The following SORL1 variants were observed in gnomAD, a reference collection of about 807,000 sequenced individuals.
The protein encoded by SORL1 is sortilin related receptor 1, also known as sortilin-related receptor.
SORL1 carries 127 observed loss-of-function variants against 273.7 expected under a neutral mutation model. That is an observed-to-expected ratio of 0.46 (90% CI 0.40 to 0.54). SORL1 has a LOEUF of 0.54. Ranked by LOEUF, SORL1 falls within the 20% of genes least tolerant of loss-of-function variation. The pLI is 0.00. For missense variants in SORL1, 2,494 were observed against 2,846.1 expected (o/e 0.88, Z 2.81); for synonymous variants, 1,031 against 1,067.4 (o/e 0.97, Z 0.66).
chr11:121,603,016 G>A (rs1287931549), intron 32 of SORL1, among the ~76,000 whole-genome samples: 1 of 152,142 alleles, frequency 6.6e-6, no homozygotes, highest in Non-Finnish European at 1.5e-5. Context: ...CCTGTCTTCT[G>A]TATTCTCTCT....
At chr11:121,551,982 A>T (rs996084631) in intron 16 of SORL1, among the ~76,000 whole-genome samples, 3 of 152,192 alleles carry the variant, frequency 2.0e-5, no homozygotes, top group Non-Finnish European at 4.4e-5. Context: ...TTTGTAATAA[A>T]TATTTCTGAA....
intron 5 of SORL1, among the ~76,000 whole-genome samples, chr11:121,496,612 C>T (rs1861632833): frequency 1.3e-5 from 2 of 152,162 alleles, no homozygotes; most frequent in African/African-American, 4.8e-5. Context: ...TTTGCTCTTC[C>T]TAAGCAGGGC....
At chr11:121,498,866 ACT>A (rs1247554359) in intron 6 of SORL1, among the ~76,000 whole-genome samples, 1 of 119,920 alleles carries the variant, frequency 8.3e-6, no homozygotes, top group Non-Finnish European at 1.9e-5. Flanking sequence ...ACAGAGCAAG[ACT>A]CTGTCTCAAA....
chr11:121,600,421 C>T (rs1344045682), intron 32 of SORL1, among the ~76,000 whole-genome samples: 2 of 152,152 alleles, frequency 1.3e-5, no homozygotes, highest in Admixed American at 6.5e-5. Flanking sequence ...AAGTAGACTC[C>T]TAGAGTGTTA....
chr11:121,582,057 A>G (rs760212476), intron 25 of SORL1, among the ~76,000 whole-genome samples: 23 of 152,260 alleles, frequency 1.5e-4, no homozygotes, highest in Non-Finnish European at 2.8e-4. Flanking sequence ...CTGAGTGCCA[A>G]AGGTTGTAAA....
At chr11:121,597,504 C>A (rs1029381319) in intron 32 of SORL1, among the ~76,000 whole-genome samples, 1 of 150,510 alleles carries the variant, frequency 6.6e-6, no homozygotes, top group Non-Finnish European at 1.5e-5. Flanking sequence ...GTTGCCCAGG[C>A]TGGAGTGCAG....
chr11:121,623,043 CTG>C (rs1441139833), intron 45 of SORL1, among the ~76,000 whole-genome samples: 1 of 152,246 alleles, frequency 6.6e-6, no homozygotes, highest in Non-Finnish European at 1.5e-5. Flanking sequence ...ACCACACACT[CTG>C]TGAGAATTCT....
intron 25 of SORL1, among the ~76,000 whole-genome samples, chr11:121,580,227 T>C (rs1862993353): frequency 6.6e-6 from 1 of 152,222 alleles, no homozygotes; most frequent in African/African-American, 2.4e-5. Context: ...ACCTGTTGGC[T>C]ACTTTCTCTG....
chr11:121,476,016 GA>G (rs1237754731), intron 2 of SORL1, among the ~76,000 whole-genome samples: 4 of 152,322 alleles, frequency 2.6e-5, no homozygotes, highest in Admixed American at 2.0e-4. Flanking sequence ...TGAAGAGAGA[GA>G]ATGTTTGTAA....
At chr11:121,480,295 T>C (rs968597544) in intron 3 of SORL1, among the ~76,000 whole-genome samples, 16 of 152,154 alleles carry the variant, frequency 1.1e-4, no homozygotes, top group Non-Finnish European at 2.1e-4. Flanking sequence ...ATACATATAA[T>C]AGTATGTCTA....
At chr11:121,539,247 A>C (rs1862311016) in intron 12 of SORL1, among the ~76,000 whole-genome samples, 2 of 152,216 alleles carry the variant, frequency 1.3e-5, no homozygotes, top group Admixed American at 1.3e-4. Context: ...TCAAATCAAG[A>C]ATTACCACGA....
chr11:121,458,475 T>A (rs1287758059), intron 1 of SORL1, among the ~76,000 whole-genome samples: 1 of 152,210 alleles, frequency 6.6e-6, no homozygotes, highest in Non-Finnish European at 1.5e-5. Context: ...GCATTTTTGG[T>A]TTGAATATTC....
chr11:121,590,734 C>CTTT, intron 30 of SORL1: 1 of 684,260 alleles, frequency 1.5e-6, no homozygotes, highest in South Asian at 1.6e-5. Flanking sequence ...TCACCAGCCC[C>CTTT]TGCAAAAGCA....
In SORL1 at chr11:121,532,564, T is replaced by A; in HGVS notation, c.1685+12T>A. 6.2e-7 allele frequency: 1 copy of A among 1,607,714 alleles called. No homozygotes were observed. The highest frequency in any genetic ancestry group is 1.7e-5 in the Admixed American group (1 of 59,972). On this transcript the variant is annotated intron_variant, in intron 12 of 47. Coordinates refer to ENST00000260197, the MANE Select transcript of SORL1 (RefSeq NM_003105.6). ...ACCAACGAGCTAAAGTAAGTGTCTC[T>A]GATGAGGCCTTTTAACATCAAACTT...
intron 39 of SORL1, 144 bp downstream of exon 39, chr11:121,611,302 C>G: frequency 1.7e-6 from 1 of 592,616 alleles, no homozygotes; most frequent in East Asian, 2.8e-5. Flanking sequence ...GCTAAAATAC[C>G]AGGACTAGGG....
At chr11:121,579,085 G>A (rs1210016021) in intron 25 of SORL1, among the ~76,000 whole-genome samples, 1 of 152,218 alleles carries the variant, frequency 6.6e-6, no homozygotes, top group East Asian at 1.9e-4. Flanking sequence ...TTGCATTTCA[G>A]CAGCATGTGC....
chr11:121,569,122 G>A (rs1365241930), intron 22 of SORL1, among the ~76,000 whole-genome samples: 1 of 152,168 alleles, frequency 6.6e-6, no homozygotes, highest in Non-Finnish European at 1.5e-5. Flanking sequence ...AGATTTCACG[G>A]ACACTTATCA....
chr11:121,582,245 C>T (rs1371307801), intron 25 of SORL1, among the ~76,000 whole-genome samples: 5 of 152,218 alleles, frequency 3.3e-5, no homozygotes, highest in African/African-American at 1.2e-4. Context: ...TTCCTGAGGA[C>T]ATCATAAACC....
rs139414100 is a variant in SORL1, at chr11:121,501,058, G to A, written c.939+4009G>A. Among the ~76,000 whole-genome samples, 312 of 152,158 alleles carry A rather than the reference G, an allele frequency of 2.1e-3. 5 individuals carry two copies. The highest frequency in any genetic ancestry group is 7.1e-3 in the African/African-American group (296 of 41,526). ...CTGTGTTGTGAATTATAGGATAACT[G>A]ACCCAAACCAAACTACTTATAAATT... On this transcript the variant is annotated intron_variant, in intron 6 of 47. Transcript: ENST00000260197.
Sources: allele counts gnomAD v4.1 joint callset (sites outside exome capture counted in the v4.1 genomes callset), GRCh38; gene constraint gnomAD v4.1.1; transcripts MANE v1.5; gene names NCBI Gene and HGNC (gene_info 2026-07-23, HGNC 2026-07-21).